PIK3C3: variants seen among roughly 807,000 people sequenced by gnomAD.
PIK3C3 encodes the protein phosphatidylinositol 3-kinase catalytic subunit type 3, also known as PI3-kinase type 3.
A neutral mutation model predicts 126.1 loss-of-function variants in PIK3C3; 95 were observed. The observed-to-expected ratio is 0.75, with a 90% CI of 0.64 to 0.89. The LOEUF (loss-of-function observed/expected upper bound fraction) is 0.89, where lower values mean the gene tolerates loss of function less well. Among genes scored for constraint, PIK3C3 ranks in the 40% least tolerant of loss-of-function variants. PIK3C3 has a pLI of 0.00. For synonymous variants in PIK3C3, 374 were observed against 360.0 expected, an observed-to-expected ratio of 1.04 and a Z score of -0.44; for missense variants, 829 against 1,063.2, an observed-to-expected ratio of 0.78 and a Z score of 3.06.
chr18:42,082,309 T>C lies in PIK3C3; in HGVS notation c.*1172T>C. On this transcript the variant is annotated 3_prime_UTR_variant, in exon 25 of 25. Transcript: ENST00000262039. ...CAGTTTCAGAGAATGCCGTTAATGATAACGTGTTATTTGTCTCAAATTCTT... is the reference window on the plus strand; with the variant it reads ...CAGTTTCAGAGAATGCCGTTAATGACAACGTGTTATTTGTCTCAAATTCTT... The C allele has an allele frequency of 6.6e-6, 1 of 152,214 alleles. No individual in the cohort carries two copies. Among genetic ancestry groups the C allele is most frequent in the East Asian group, 1.9e-4 (1 of 5,202 alleles). The allele number at this position is 152,214 out of a possible 1,614,324, so 9.4% of individuals were successfully genotyped here.
At chr18:42,066,247 A>C (rs974813213) in intron 23 of PIK3C3, among the ~76,000 whole-genome samples, 2 of 152,164 alleles carry the variant, frequency 1.3e-5, no homozygotes, top group Non-Finnish European at 2.9e-5. Flanking sequence ...TTGTGGCTCA[A>C]GCACTCTCAG....
intron 15 of PIK3C3, among the ~76,000 whole-genome samples, chr18:42,033,006 A>G (rs537358071): frequency 9.2e-4 from 140 of 152,272 alleles, no homozygotes; most frequent in Admixed American, 2.2e-3. Context: ...TCAACTTCCC[A>G]GTAGCATTGT....
intron 18 of PIK3C3, among the ~76,000 whole-genome samples, chr18:42,040,108 A>T (rs1984238742): frequency 6.8e-6 from 1 of 146,720 alleles, no homozygotes; most frequent in Non-Finnish European, 1.5e-5. Flanking sequence ...CTTCAGACTT[A>T]TCAGACTGAC....
At chr18:41,972,061 G>A (rs1048967021) in intron 4 of PIK3C3, among the ~76,000 whole-genome samples, 3 of 151,950 alleles carry the variant, frequency 2.0e-5, no homozygotes, top group Non-Finnish European at 4.4e-5. Flanking sequence ...TATAATCATT[G>A]GAATTAGTCC....
chr18:42,080,245 TTTTTATTCACATGAAAAATAAATC>T (rs1986200953), intron 24 of PIK3C3, among the ~76,000 whole-genome samples: 1 of 152,188 alleles, frequency 6.6e-6, no homozygotes, highest in African/African-American at 2.4e-5. Flanking sequence ...AATTACATTA[TTTTTATTCACATGAAAAATAAATC>T]TTGCCAATTT....
rs1568004598 is a variant in PIK3C3 at position 42,057,916 on chromosome 18, T to C, written c.2297T>C (p.Leu766Ser). 6.2e-7 allele frequency: 1 copy of C among 1,613,776 alleles called. No homozygotes were observed. The change falls in exon 22 of 25, where the codon TTG becomes TCG. Residue 766 changes from leucine to serine, a missense_variant. By Grantham distance (145) the Leu-to-Ser change is moderately radical. This residue lies in a region of PIK3C3 where 196 missense variants were observed against 312.8 expected (regional missense o/e 0.63). Transcript: ENST00000262039. ...KLFHIDFGYILGRDPKPLPPP... is the reference protein window; with the variant it reads ...KLFHIDFGYISGRDPKPLPPP... Reference sequence around the variant, plus strand: ...TTCCACATAGACTTTGGATATATTTTGGGTCGGGATCCAAAGCCTCTTCCT... The same window carrying C: ...TTCCACATAGACTTTGGATATATTTCGGGTCGGGATCCAAAGCCTCTTCCT...
At chr18:42,054,614 A>G (rs1984977625) in intron 21 of PIK3C3, among the ~76,000 whole-genome samples, 1 of 152,102 alleles carries the variant, frequency 6.6e-6, no homozygotes, top group Non-Finnish European at 1.5e-5. Flanking sequence ...CTTTAATTTT[A>G]TGTGAAAATG....
intron 9 of PIK3C3, among the ~76,000 whole-genome samples, chr18:42,000,343 C>A (rs1013607726): frequency 6.6e-6 from 1 of 152,038 alleles, no homozygotes; most frequent in African/African-American, 2.4e-5. Flanking sequence ...TGAGTCAGCA[C>A]GCTGGCCTAA....
chr18:41,987,499 T>C (rs1981542278), intron 4 of PIK3C3, among the ~76,000 whole-genome samples: 1 of 152,092 alleles, frequency 6.6e-6, no homozygotes, highest in Non-Finnish European at 1.5e-5. Flanking sequence ...ACTATTATTA[T>C]AATTTCATCT....
chr18:42,041,315 G>A (rs770278338), intron 19 of PIK3C3, among the ~76,000 whole-genome samples: 15 of 152,036 alleles, frequency 9.9e-5, no homozygotes, highest in Non-Finnish European at 1.5e-4. Flanking sequence ...TAATTGATGA[G>A]CACTTTATTT....
chr18:42,074,769 T>C (rs1014173354), intron 24 of PIK3C3, among the ~76,000 whole-genome samples: 3 of 152,174 alleles, frequency 2.0e-5, no homozygotes, highest in Non-Finnish European at 4.4e-5. Flanking sequence ...TTTGTACTTT[T>C]TGAAACTTCC....
intron 20 of PIK3C3, among the ~76,000 whole-genome samples, chr18:42,045,358 C>T (rs1984514665): frequency 6.6e-6 from 1 of 152,124 alleles, no homozygotes; most frequent in South Asian, 2.1e-4. Context: ...CCCCATTTCT[C>T]TTCTGTTTTT....
chr18:42,073,514 G>T (rs1176680599), intron 24 of PIK3C3, among the ~76,000 whole-genome samples: 3 of 152,122 alleles, frequency 2.0e-5, no homozygotes, highest in Non-Finnish European at 4.4e-5. Context: ...GCATAACATG[G>T]CATCTTACTA....
chr18:41,965,751 A>G (rs191115092), intron 3 of PIK3C3, among the ~76,000 whole-genome samples: 1 of 152,206 alleles, frequency 6.6e-6, no homozygotes, highest in Admixed American at 6.5e-5. Context: ...TTTATTTGTA[A>G]TTCTGTGTAT....
At chr18:42,041,240 TG>T (rs1487942768) in intron 19 of PIK3C3, among the ~76,000 whole-genome samples, 2 of 152,116 alleles carry the variant, frequency 1.3e-5, no homozygotes, top group African/African-American at 4.8e-5. Context: ...AATTAAAATT[TG>T]TTAACGTTTA....
intron 1 of PIK3C3, 109 bp from the exon 2 acceptor site, chr18:41,957,461 T>C (rs193199627): frequency 8.8e-6 from 9 of 1,017,138 alleles, no homozygotes; most frequent in South Asian, 3.5e-5. Flanking sequence ...TTAGTACTTA[T>C]GCATATATGT....
chr18:42,066,494 G>A (rs1985544245), intron 23 of PIK3C3, among the ~76,000 whole-genome samples: 1 of 152,172 alleles, frequency 6.6e-6, no homozygotes. Context: ...ATGGTTGTGT[G>A]TGGTGGCGTA....
intron 12 of PIK3C3, 149 bp from the exon 13 acceptor site, chr18:42,020,489 G>A: frequency 5.7e-6 from 3 of 528,392 alleles, no homozygotes; most frequent in South Asian, 3.2e-5. Flanking sequence ...TATGTTTTAT[G>A]TATGTATGTA....
chr18:41,997,088 G>A (rs976208119), intron 9 of PIK3C3, among the ~76,000 whole-genome samples: 1 of 152,120 alleles, frequency 6.6e-6, no homozygotes, highest in Non-Finnish European at 1.5e-5. Flanking sequence ...GATAATACAG[G>A]TAAGTAACCT....
Sources: allele counts gnomAD v4.1 joint callset (sites outside exome capture counted in the v4.1 genomes callset), GRCh38; gene constraint gnomAD v4.1.1; regional missense constraint gnomAD v4.1.1; transcripts MANE v1.5; gene names NCBI Gene and HGNC (gene_info 2026-07-23, HGNC 2026-07-21).